The following CLMP variants were observed in gnomAD, a reference collection of about 807,000 sequenced individuals.
CLMP encodes CXADR-like membrane protein.
CLMP carries 27 observed loss-of-function variants against 45.2 expected under a neutral mutation model. That is an observed-to-expected ratio of 0.60 (90% CI 0.44 to 0.82). CLMP has a LOEUF of 0.82. Among genes scored for constraint, CLMP ranks in the 40% least tolerant of loss-of-function variants. CLMP has a pLI of 0.00. For missense variants in CLMP, 403 were observed against 448.4 expected, an observed-to-expected ratio of 0.90 and a Z score of 0.91; for synonymous variants, 167 against 171.4, an observed-to-expected ratio of 0.97 and a Z score of 0.20.
In CLMP at chr11:123,083,785, A is replaced by G. The variant is rs1225771696; in HGVS notation, c.451T>C (p.Leu151=). The part of the protein sequence containing the change: ...GELTEGSDLT[L]QCESSSGTEP... ...GTGCCAGAGGATGACTCACACTGCA[A>G]AGTCAGGTCACTTCCTTCTGTCAGC... is the stretch of plus-strand genomic sequence containing the variant. Residue 151 remains leucine, a synonymous_variant, in exon 4 of 7, where the codon TTG becomes CTG. Coordinates refer to ENST00000448775, the MANE Select transcript of CLMP (RefSeq NM_024769.5). 6.2e-7 allele frequency: 1 copy of G among 1,613,870 alleles called. No homozygotes were observed. The highest frequency in any genetic ancestry group is 8.5e-7 in the Non-Finnish European group (1 of 1,180,038).
rs1175800884 is a variant in CLMP, at chr11:123,184,501, A to G, written c.28+10412T>C. On this transcript the variant is annotated intron_variant, in intron 1 of 6. Transcript: ENST00000448775. ...GATACCCAGGCAAGGTTAGTGATGA[A>G]CAGGGTGAACCTGGCGAGGCGGAAG... Among the ~76,000 whole-genome samples, 3 of 152,216 alleles carry G rather than the reference A, an allele frequency of 2.0e-5. No homozygotes were observed. The East Asian group carries it at 5.8e-4, about 29-fold the overall frequency.
chr11:123,193,344 T>C (rs1276530466), intron 1 of CLMP, among the ~76,000 whole-genome samples: 1 of 152,208 alleles, frequency 6.6e-6, no homozygotes. Context: ...ATAGTACATA[T>C]AAAGTGTTCA....
chr11:123,183,650 A>G (rs566918578), intron 1 of CLMP, among the ~76,000 whole-genome samples: 11 of 152,166 alleles, frequency 7.2e-5, no homozygotes, highest in Non-Finnish European at 1.6e-4. Flanking sequence ...TGAGGAACCC[A>G]CAGGACATGG....
chr11:123,172,627 G>C (rs188946479), intron 1 of CLMP, among the ~76,000 whole-genome samples: 1 of 152,002 alleles, frequency 6.6e-6, no homozygotes, highest in East Asian at 1.9e-4. Context: ...GACTATAGTC[G>C]TGAGCCACTA....
intron 1 of CLMP, among the ~76,000 whole-genome samples, chr11:123,153,254 C>T (rs1861366969): frequency 6.6e-6 from 1 of 152,206 alleles, no homozygotes; most frequent in Admixed American, 6.5e-5. Flanking sequence ...GAATGGCTTC[C>T]AGCGTTTGAG....
intron 5 of CLMP, among the ~76,000 whole-genome samples, chr11:123,075,947 C>T (rs879697480): frequency 6.6e-6 from 1 of 151,998 alleles, no homozygotes; most frequent in East Asian, 1.9e-4. Flanking sequence ...CTGACGTGGG[C>T]GGATCACTTG....
At chr11:123,085,690 A>T (rs1193755906) in intron 2 of CLMP, among the ~76,000 whole-genome samples, 1 of 150,458 alleles carries the variant, frequency 6.6e-6, no homozygotes, top group African/African-American at 2.4e-5. Flanking sequence ...ACTCACAGTT[A>T]CCCCTCTGCA....
At chr11:123,121,755 G>A (rs1406732136) in intron 1 of CLMP, among the ~76,000 whole-genome samples, 1 of 152,128 alleles carries the variant, frequency 6.6e-6, no homozygotes, top group Non-Finnish European at 1.5e-5. Context: ...TGGGGTTTCA[G>A]CCACTGTGTT....
At position 123,094,327 on chromosome 11, in the gene CLMP, G is replaced by A. The variant is rs1296275156; in HGVS notation, c.186+3468C>T. On this transcript the variant is annotated intron_variant, in intron 2 of 6. Coordinates refer to ENST00000448775, the MANE Select transcript of CLMP (RefSeq NM_024769.5). ...TCACCATGTTGCCCAGGCTGGTCTT[G>A]AACTCCTGAGCTCAAGTGGACCTCC... Among the ~76,000 whole-genome samples, 6 of 152,132 alleles carry A rather than the reference G, an allele frequency of 3.9e-5. No homozygotes were observed. The East Asian group carries it at 1.2e-3, about 30-fold the overall frequency.
At chr11:123,192,924 A>G (rs1172907832) in intron 1 of CLMP, 1 of 152,288 alleles carries the variant, frequency 6.6e-6, no homozygotes, top group Non-Finnish European at 1.5e-5. Flanking sequence ...TTTGCTGAAC[A>G]GTGTCCGAGC....
rs560020730 is a variant in CLMP at position 123,164,383 on chromosome 11, A to T, written c.28+30530T>A. Reference sequence around the variant, plus strand: ...CAGTGGCCCACTCTCAGCTCACTGCAACTTCTGCCTCCCGGGTTCAAGCAA... The same window carrying T: ...CAGTGGCCCACTCTCAGCTCACTGCTACTTCTGCCTCCCGGGTTCAAGCAA... On this transcript the variant is annotated intron_variant, in intron 1 of 6. Coordinates refer to ENST00000448775, the MANE Select transcript of CLMP (RefSeq NM_024769.5). 8.5e-5 allele frequency among the ~76,000 whole-genome samples: 13 copies of T among 152,254 alleles called. No individual in the cohort carries two copies. The East Asian group carries it at 2.5e-3, about 29-fold the overall frequency.
At chr11:123,176,559 C>A (rs1477135327) in intron 1 of CLMP, among the ~76,000 whole-genome samples, 2 of 152,166 alleles carry the variant, frequency 1.3e-5, no homozygotes, top group South Asian at 4.1e-4. Context: ...GAGATTCCAC[C>A]CCCATGCTGG....
At chr11:123,186,079 A>T (rs1861831451) in intron 1 of CLMP, among the ~76,000 whole-genome samples, 1 of 152,138 alleles carries the variant, frequency 6.6e-6, no homozygotes, top group Non-Finnish European at 1.5e-5. Flanking sequence ...ATCAGTGCTG[A>T]AGAGGGCAAA....
chr11:123,178,407 C>T (rs1291162570), intron 1 of CLMP, among the ~76,000 whole-genome samples: 1 of 152,156 alleles, frequency 6.6e-6, no homozygotes, highest in Non-Finnish European at 1.5e-5. Context: ...CATTCCATTC[C>T]TTCACTCTAG....
At chr11:123,097,734 G>T in intron 2 of CLMP, 61 bp downstream of exon 2, 2 of 1,346,862 alleles carry the variant, frequency 1.5e-6, no homozygotes, top group Non-Finnish European at 2.0e-6. Flanking sequence ...CTGGAAGACT[G>T]AAGAAAGGCA....
intron 1 of CLMP, among the ~76,000 whole-genome samples, chr11:123,146,187 T>C (rs1226236440): frequency 6.6e-6 from 1 of 152,208 alleles, no homozygotes; most frequent in African/African-American, 2.4e-5. Flanking sequence ...CTAATAGTGA[T>C]GCTGAAAATT....
At chr11:123,112,447 C>T (rs1212529700) in intron 1 of CLMP, among the ~76,000 whole-genome samples, 1 of 150,676 alleles carries the variant, frequency 6.6e-6, no homozygotes, top group Non-Finnish European at 1.5e-5. Context: ...AAGTGATTCT[C>T]CTGCCTCAGC....
intron 1 of CLMP, chr11:123,136,274 C>G: frequency 1.5e-6 from 1 of 650,874 alleles, no homozygotes; most frequent in Non-Finnish European, 3.0e-6. Context: ...CGAACTGTGG[C>G]CAAACACTGG....
intron 1 of CLMP, among the ~76,000 whole-genome samples, chr11:123,128,277 G>A (rs1860930192): frequency 6.6e-6 from 1 of 151,886 alleles, no homozygotes; most frequent in Non-Finnish European, 1.5e-5. Context: ...GGAAGAAAGG[G>A]GACTTCTTTA....
Sources: gnomAD v4.1 joint callset for allele counts (sites outside exome capture counted in the v4.1 genomes callset) on GRCh38, gnomAD v4.1.1 for gene constraint, MANE v1.5 for transcripts, NCBI Gene and HGNC (gene_info 2026-07-23, HGNC 2026-07-21) for gene names.